The following PEAK1 variants were observed in gnomAD, a reference collection of about 807,000 sequenced individuals.
PEAK1 encodes pseudopodium enriched atypical kinase 1.
In PEAK1, 54 loss-of-function variants were observed where a neutral mutation model predicts 124.7. The observed-to-expected ratio is 0.43, with a 90% CI of 0.35 to 0.54. PEAK1 has a LOEUF of 0.54. Ranked by LOEUF, PEAK1 falls within the 20% of genes least tolerant of loss-of-function variation. The pLI is 0.01. For synonymous variants in PEAK1, 719 were observed against 760.0 expected (o/e 0.95, Z 0.89); for missense variants, 2,046 against 2,134.5 (o/e 0.96, Z 0.82).
chr15:77,375,856 G>A (rs1334738846), intron 1 of PEAK1, among the ~76,000 whole-genome samples: 5 of 152,036 alleles, frequency 3.3e-5, no homozygotes, highest in Non-Finnish European at 7.4e-5. Context: ...CAAATTAGCC[G>A]GACGCGGTGG....
chr15:77,130,016 A>ATAGTGTATAGTGTATAGCATTTAGT (rs2052723400), intron 9 of PEAK1, among the ~76,000 whole-genome samples: 1 of 152,174 alleles, frequency 6.6e-6, no homozygotes, highest in African/African-American at 2.4e-5. Flanking sequence ...CATTTAGTGT[A>ATAGTGTATAGTGTATAGCATTTAGT]AAATATCCTT....
At chr15:77,305,221 GGGTGGGAGGGAGAGAT>G (rs892815130) in intron 2 of PEAK1, among the ~76,000 whole-genome samples, 7 of 127,578 alleles carry the variant, frequency 5.5e-5, no homozygotes, top group African/African-American at 1.8e-4. Context: ...GAGGGAGGGT[GGGTGGGAGGGAGAGAT>G]GGAGGGATAA....
intron 1 of PEAK1, chr15:77,404,457 T>G (rs1003864660): frequency 1.8e-6 from 1 of 553,038 alleles, no homozygotes; most frequent in Non-Finnish European, 2.3e-6. Flanking sequence ...GTAAAATATC[T>G]CAATAATTGA....
chr15:77,385,773 G>C (rs1211398580), intron 1 of PEAK1, among the ~76,000 whole-genome samples: 2 of 152,138 alleles, frequency 1.3e-5, no homozygotes, highest in Non-Finnish European at 2.9e-5. Context: ...GATTAAGAGA[G>C]GCACTTATTT....
At chr15:77,346,921 A>C in intron 2 of PEAK1, 1 of 307,584 alleles carries the variant, frequency 3.3e-6, no homozygotes, top group Non-Finnish European at 4.8e-6. Flanking sequence ...TCTGGTACTA[A>C]GAGGAAAACA....
intron 7 of PEAK1, among the ~76,000 whole-genome samples, chr15:77,165,696 A>C (rs2056044618): frequency 6.6e-6 from 1 of 152,232 alleles, no homozygotes; most frequent in African/African-American, 2.4e-5. Context: ...GATGTAGGGC[A>C]GGAATGGGAC....
chr15:77,186,243 C>A (rs918012326), intron 6 of PEAK1, among the ~76,000 whole-genome samples: 1 of 152,162 alleles, frequency 6.6e-6, no homozygotes, highest in African/African-American at 2.4e-5. Context: ...GGCATAATAT[C>A]TTGTTAACCA....
chr15:77,118,016 C>G (rs752694165), intron 9 of PEAK1, among the ~76,000 whole-genome samples: 1 of 152,032 alleles, frequency 6.6e-6, no homozygotes, highest in Admixed American at 6.6e-5. Context: ...AAGTGATTTA[C>G]GAAGAAGAAA....
chr15:77,130,501 GA>G, intron 9 of PEAK1, among the ~76,000 whole-genome samples: 1 of 152,244 alleles, frequency 6.6e-6, no homozygotes, highest in Admixed American at 6.5e-5. Flanking sequence ...TGTAACTGCA[GA>G]GGGTAGCTAG....
chr15:77,250,908 T>A (rs2060849257), intron 6 of PEAK1, among the ~76,000 whole-genome samples: 1 of 152,214 alleles, frequency 6.6e-6, no homozygotes, highest in African/African-American at 2.4e-5. Context: ...GGAAGAATAA[T>A]TAGAACATTC....
At chr15:77,413,004 T>C (rs572307588) in intron 1 of PEAK1, among the ~76,000 whole-genome samples, 1 of 152,156 alleles carries the variant, frequency 6.6e-6, no homozygotes, top group African/African-American at 2.4e-5. Flanking sequence ...GAATTTGAAC[T>C]GAGATAAATG....
chr15:77,415,844 A>G (rs1194540437), intron 1 of PEAK1, among the ~76,000 whole-genome samples: 1 of 152,108 alleles, frequency 6.6e-6, no homozygotes, highest in Non-Finnish European at 1.5e-5. Context: ...AAACACACAC[A>G]TATACACTCT....
chr15:77,328,923 T>G (rs191188715), intron 2 of PEAK1, among the ~76,000 whole-genome samples: 36 of 152,192 alleles, frequency 2.4e-4, no homozygotes, highest in African/African-American at 8.7e-4. Flanking sequence ...TCAAACATGA[T>G]AAAACATTTA....
intron 9 of PEAK1, 47 bp downstream of exon 9, chr15:77,132,958 C>G (rs2053003044): frequency 6.6e-7 from 1 of 1,525,888 alleles, no homozygotes; most frequent in South Asian, 1.3e-5. Context: ...ATCCCAGTAA[C>G]AATGTAGTGG....
intron 9 of PEAK1, among the ~76,000 whole-genome samples, chr15:77,120,331 A>G (rs990183413): frequency 2.0e-5 from 3 of 152,174 alleles, no homozygotes; most frequent in African/African-American, 7.2e-5. Context: ...ACAATGACCT[A>G]CTTGATTTCT....
intron 2 of PEAK1, among the ~76,000 whole-genome samples, chr15:77,332,683 C>T (rs2065964255): frequency 6.6e-6 from 1 of 151,928 alleles, no homozygotes; most frequent in Non-Finnish European, 1.5e-5. Context: ...TTCCAAGCAC[C>T]CTGTCCCATG....
At chr15:77,345,195 T>C (rs994432098) in intron 2 of PEAK1, among the ~76,000 whole-genome samples, 2 of 152,218 alleles carry the variant, frequency 1.3e-5, no homozygotes, top group South Asian at 2.1e-4. Flanking sequence ...GCCTACATTA[T>C]GTTGAGGTAG....
chr15:77,336,650 G>A lies in PEAK1; in HGVS notation c.-603+28513C>T, dbSNP rs144603295. ...ACTTAATAATGGACATCCAACAACA[G>A]ATCAATCACATTCTTGATTATATAC... On this transcript the variant is annotated intron_variant, in intron 2 of 9. Coordinates refer to ENST00000682557, the MANE Select transcript of PEAK1 (RefSeq NM_001385026.1). 3.1e-4 allele frequency: 159 copies of A among 516,792 alleles called. 1 individual carries two copies. Among genetic ancestry groups the A allele is most frequent in the African/African-American group, 2.6e-3 (127 of 48,020 alleles). 32.0% of individuals were successfully genotyped at this position (516,792 alleles called of 1,614,324 possible). A position where few individuals can be genotyped will look rare whatever the true frequency, so the allele number is the denominator to read the frequency against.
At chr15:77,324,130 C>T (rs1379744291) in intron 2 of PEAK1, among the ~76,000 whole-genome samples, 1 of 152,216 alleles carries the variant, frequency 6.6e-6, no homozygotes, top group African/African-American at 2.4e-5. Context: ...ACTCCTAATA[C>T]TTGGTTATGG....
Sources: gnomAD v4.1 joint callset for allele counts (sites outside exome capture counted in the v4.1 genomes callset) on GRCh38, gnomAD v4.1.1 for gene constraint, MANE v1.5 for transcripts, NCBI Gene and HGNC (gene_info 2026-07-23, HGNC 2026-07-21) for gene names.